Variants in ADGRL1 observed in about 807,000 individuals in gnomAD.
ADGRL1 encodes adhesion G protein-coupled receptor L1.
Under a neutral mutation model 148.9 loss-of-function variants are expected in ADGRL1, and 31 were observed. The ratio of observed to expected loss-of-function variants is 0.21; its 90% CI spans 0.16 to 0.28. The LOEUF is 0.28. ADGRL1 is among the 10% of genes least tolerant of loss of function. The pLI, the probability that ADGRL1 is intolerant of heterozygous loss-of-function variation, is 1.00. For synonymous variants in ADGRL1, 937 were observed against 900.3 expected, an observed-to-expected ratio of 1.04 and a Z score of -0.73; for missense variants, 1,521 against 2,058.8, an observed-to-expected ratio of 0.74 and a Z score of 5.05.
At position 14,152,247 on chromosome 19, in the gene ADGRL1, G is replaced by C; in HGVS notation, c.3649+62C>G. Reference sequence around the variant, plus strand: ...TCTGGGGCACAGAACATCCCATGCAGAGGTCCCTTGGGACACAAACCCTCC... The same window carrying C: ...TCTGGGGCACAGAACATCCCATGCACAGGTCCCTTGGGACACAAACCCTCC... On this transcript the variant is annotated intron_variant, in intron 21 of 22. Coordinates refer to ENST00000361434, the MANE Select transcript of ADGRL1 (RefSeq NM_014921.5). This position sits in a 1 kb window ranked among gnomAD's most constrained non-coding sequence, Gnocchi z 6.1. 6.2e-7 allele frequency: 1 copy of C among 1,613,558 alleles called. No individual in the cohort carries two copies. The highest frequency in any genetic ancestry group is 1.1e-5 in the South Asian group (1 of 91,064).
rs1968074628 is a variant in ADGRL1, at chr19:14,150,727, A to C, written c.*146T>G. 1.1e-6 allele frequency: 1 copy of C among 946,258 alleles called. No homozygotes were observed. The highest frequency in any genetic ancestry group is 1.5e-6 in the Non-Finnish European group (1 of 648,520). The allele number at this position is 946,258 out of a possible 1,614,324, so 58.6% of individuals were successfully genotyped here. A position where few individuals can be genotyped will look rare whatever the true frequency, so the allele number is the denominator to read the frequency against. On this transcript the variant is annotated 3_prime_UTR_variant, in exon 23 of 23. Coordinates refer to ENST00000361434, the MANE Select transcript of ADGRL1 (RefSeq NM_014921.5). ...CAGGCCCCCAGGTTAGAGTCCCCTG[A>C]GGGGACTGTAGGGCCCATGGCTGAG...
intron 1 of ADGRL1, among the ~76,000 whole-genome samples, chr19:14,197,666 C>T (rs1972346774): frequency 6.6e-6 from 1 of 152,220 alleles, no homozygotes; most frequent in African/African-American, 2.4e-5. Context: ...TCCACTCTCA[C>T]AGCACACAGG....
At chr19:14,202,339 G>A (rs1296789459) in intron 1 of ADGRL1, among the ~76,000 whole-genome samples, 2 of 151,562 alleles carry the variant, frequency 1.3e-5, no homozygotes, top group Non-Finnish European at 2.9e-5. Context: ...TGCAACCTCC[G>A]CCTCCTGGAT....
At chr19:14,188,216 A>T (rs543188438) in intron 1 of ADGRL1, among the ~76,000 whole-genome samples, 1 of 152,192 alleles carries the variant, frequency 6.6e-6, no homozygotes, top group South Asian at 2.1e-4. Flanking sequence ...TGTGACCTTG[A>T]GCTGGTCTCC....
intron 4 of ADGRL1, among the ~76,000 whole-genome samples, chr19:14,164,260 T>A (rs1415251512): frequency 6.6e-6 from 1 of 150,964 alleles, no homozygotes; most frequent in Non-Finnish European, 1.5e-5. Context: ...CAGCAGACAG[T>A]GGCACTGTGC....
intron 22 of ADGRL1, 147 bp downstream of exon 22, chr19:14,151,986 C>G (rs1968247511): frequency 2.6e-6 from 2 of 767,194 alleles, no homozygotes; most frequent in Non-Finnish European, 4.5e-6. Context: ...CTCCATTCGG[C>G]TGCCAGAGGC....
At position 14,150,734 on chromosome 19, in the gene ADGRL1, T is replaced by G. The variant is rs1568559006; in HGVS notation, c.*139A>C. 1 of 1,037,906 alleles carries G rather than the reference T, an allele frequency of 9.6e-7. No homozygotes were observed. The highest frequency in any genetic ancestry group is 1.4e-6 in the Non-Finnish European group (1 of 726,128). The allele number at this position is 1,037,906 out of a possible 1,614,324, so 64.3% of individuals were successfully genotyped here. On this transcript the variant is annotated 3_prime_UTR_variant, in exon 23 of 23. Coordinates refer to ENST00000361434, the MANE Select transcript of ADGRL1 (RefSeq NM_014921.5). ...CCAGGTTAGAGTCCCCTGAGGGGAC[T>G]GTAGGGCCCATGGCTGAGGGGCACC... is the stretch of plus-strand genomic sequence containing the variant.
chr19:14,182,729 G>A (rs934899039), intron 2 of ADGRL1, among the ~76,000 whole-genome samples: 1 of 152,202 alleles, frequency 6.6e-6, no homozygotes, highest in Non-Finnish European at 1.5e-5. Context: ...TGGGGCTATG[G>A]GGCAGGACCT....
chr19:14,182,577 G>T (rs1457335425), intron 2 of ADGRL1, among the ~76,000 whole-genome samples: 5 of 152,138 alleles, frequency 3.3e-5, no homozygotes, highest in Admixed American at 6.6e-5. Flanking sequence ...GAGTCCCAGC[G>T]GGGGGAACAT....
chr19:14,160,255 C>G lies in ADGRL1; in HGVS notation c.1657G>C (p.Ala553Pro). 6.3e-7 allele frequency: 1 copy of G among 1,594,560 alleles called. No individual in the cohort carries two copies. Among genetic ancestry groups the G allele is most frequent in the Non-Finnish European group, 8.6e-7 (1 of 1,164,094 alleles). The change falls in exon 8 of 23, where the codon GCC (alanine) becomes CCC (proline). Residue 553 changes from alanine to proline, a missense_variant. Physicochemically the swap from Ala to Pro is conservative, Grantham distance 27. Around this residue, in one of 8 missense-constraint regions of ADGRL1, gnomAD observed 270 missense variants for 320.4 expected, o/e 0.84. Transcript: ENST00000361434. The surrounding 1 kb of genome is among the most constrained non-coding windows in gnomAD (Gnocchi z 5.9). ...ENAANIASEL[A>P]RHTRGSIYAG... Reference sequence around the variant, plus strand: ...TAGATGGAGCCCCGGGTGTGTCGGGCCAGCTCGCTGGCGATGTTGGCCGCG... The same window carrying G: ...TAGATGGAGCCCCGGGTGTGTCGGGGCAGCTCGCTGGCGATGTTGGCCGCG...
chr19:14,183,485 A>T (rs1279132871), intron 2 of ADGRL1, 48 bp downstream of exon 2: 2 of 1,474,608 alleles, frequency 1.4e-6, no homozygotes, highest in Non-Finnish European at 1.8e-6. Flanking sequence ...TGCCCCCCCC[A>T]GAAGGGTTTG....
intron 1 of ADGRL1, among the ~76,000 whole-genome samples, chr19:14,197,492 G>A (rs1279058610): frequency 6.6e-6 from 1 of 151,986 alleles, no homozygotes; most frequent in African/African-American, 2.4e-5. Context: ...ACCCTCCATG[G>A]CTCCCTATTG....
Position 14,151,180 on chromosome 19 carries a change from C to G in ADGRL1, c.4103G>C (p.Arg1368Pro). 1 of 1,609,776 alleles carries G rather than the reference C, an allele frequency of 6.2e-7. No homozygotes were observed. The highest frequency in any genetic ancestry group is 1.1e-5 in the South Asian group (1 of 90,852). The change falls in exon 23 of 23, where the codon CGG (arginine) becomes CCG (proline). Residue 1368 changes from arginine to proline, a missense_variant. Arg to Pro is a moderately radical substitution (Grantham distance 103). Around this residue, in one of 8 missense-constraint regions of ADGRL1, gnomAD observed 390 missense variants for 375.0 expected, o/e 1.04. Transcript: ENST00000361434. Reference sequence around the variant, plus strand: ...CCGGCCAGGAGGGGAGGAGAGGGGCCGGCTGGTGGCGCCGTCCTCGGCCGT... The same window carrying G: ...CCGGCCAGGAGGGGAGGAGAGGGGCGGGCTGGTGGCGCCGTCCTCGGCCGT... ...SCTAEDGATS[R>P]PLSSPPGRDS...
intron 1 of ADGRL1, among the ~76,000 whole-genome samples, chr19:14,186,090 G>A (rs1206186118): frequency 1.8e-4 from 28 of 152,116 alleles, no homozygotes; most frequent in Admixed American, 1.8e-3. Flanking sequence ...ATAGGGTCTT[G>A]CTCTGTCACT....
Position 14,151,302 on chromosome 19 carries a change from C to T in ADGRL1, c.3981G>A (p.Glu1327=). ...CCAGGGCCTTATAGAGAAGTTCAAT[C>T]TCGGCCCGGTCAGCACCCCCGGGCC... ...AGGPGGADRA[E]IELLYKALEE... is the part of the protein sequence containing the mutation. The change falls in exon 23 of 23, where the codon GAG becomes GAA. Residue 1327 remains glutamate (E), a synonymous_variant. Coordinates refer to ENST00000361434, the MANE Select transcript of ADGRL1 (RefSeq NM_014921.5). The T allele has an allele frequency of 1.2e-6, 2 of 1,607,454 alleles. No individual in the cohort carries two copies. Among genetic ancestry groups the T allele is most frequent in the Non-Finnish European group, 8.5e-7 (1 of 1,177,628 alleles).
At chr19:14,179,579 G>A (rs1236828210) in intron 2 of ADGRL1, among the ~76,000 whole-genome samples, 2 of 151,872 alleles carry the variant, frequency 1.3e-5, no homozygotes, top group Non-Finnish European at 2.9e-5. Context: ...TCTGGCCTCT[G>A]CAACTGTGAG....
chr19:14,177,909 T>C (rs1055643948), intron 2 of ADGRL1, among the ~76,000 whole-genome samples, 165 bp from the exon 3 acceptor site: 6 of 152,186 alleles, frequency 3.9e-5, no homozygotes, highest in Admixed American at 2.6e-4. Flanking sequence ...GTGTGCCCAC[T>C]TGTGTAGTGA....
chr19:14,154,797 A>G (rs1350075253), intron 18 of ADGRL1, among the ~76,000 whole-genome samples: 1 of 150,308 alleles, frequency 6.7e-6, no homozygotes, highest in East Asian at 2.0e-4. Context: ...ATATTTTTTA[A>G]GTAGAGACGG....
At chr19:14,188,115 A>T (rs1440741948) in intron 1 of ADGRL1, among the ~76,000 whole-genome samples, 1 of 152,036 alleles carries the variant, frequency 6.6e-6, no homozygotes, top group African/African-American at 2.4e-5. Flanking sequence ...TAAATAAATA[A>T]ATAAATGGCA....
Sources: gnomAD v4.1 joint callset for allele counts (sites outside exome capture counted in the v4.1 genomes callset) on GRCh38, gnomAD v4.1.1 for gene constraint, gnomAD v4.1.1 regional missense constraint, Gnocchi (gnomAD v3.1) non-coding constraint, MANE v1.5 for transcripts, NCBI Gene and HGNC (gene_info 2026-07-23, HGNC 2026-07-21) for gene names.